BTBD9: variants seen among roughly 807,000 people sequenced by gnomAD.
BTBD9 encodes BTB domain containing 9, also known as BTB/POZ domain-containing protein 9.
BTBD9 carries 49 observed loss-of-function variants against 64.3 expected under a neutral mutation model. The ratio of observed to expected loss-of-function variants is 0.76; its 90% CI spans 0.61 to 0.97. The LOEUF (loss-of-function observed/expected upper bound fraction) is 0.97, where lower values mean the gene tolerates loss of function less well. BTBD9 is among the 50% of genes least tolerant of loss of function. The pLI is 0.00. For missense variants in BTBD9, 598 were observed against 762.1 expected, an observed-to-expected ratio of 0.78 and a Z score of 2.53; for synonymous variants, 260 against 274.7, an observed-to-expected ratio of 0.95 and a Z score of 0.53.
Position 38,250,787 on chromosome 6 carries a change from T to C in BTBD9, c.1562+5622A>G, listed in dbSNP as rs1286109660. Among the ~76,000 whole-genome samples, 5 of 152,090 alleles carry C rather than the reference T, an allele frequency of 3.3e-5. No individual in the cohort carries two copies. In the South Asian group the frequency reaches 1.0e-3, roughly 32 times the overall value. ...TAACTGATGGATTAAAAAACAGAAG[T>C]TTAGGCCGAGCGAGGTGGCTCACGC... On this transcript the variant is annotated intron_variant, in intron 9 of 10. Transcript: ENST00000481247.
intron 6 of BTBD9, among the ~76,000 whole-genome samples, chr6:38,374,723 T>C (rs2127608825): frequency 6.6e-6 from 1 of 152,258 alleles, no homozygotes; most frequent in Non-Finnish European, 1.5e-5. Context: ...CAACTAACCC[T>C]GCATAGAAAT....
chr6:38,464,476 T>C lies in BTBD9; in HGVS notation c.1154+113124A>G, dbSNP rs80126950. 1.8e-4 allele frequency among the ~76,000 whole-genome samples: 26 copies of C among 145,092 alleles called. No homozygotes were observed. In the East Asian group the frequency reaches 4.3e-3, roughly 24 times the overall value. On this transcript the variant is annotated intron_variant, in intron 6 of 10. Transcript: ENST00000481247. ...TAAATTCTGTGTTCCATGAGGAATA[T>C]TGTCTATAATTTTCTTTTCTTTTCT...
chr6:38,579,258 A>G (rs1174594888), intron 5 of BTBD9, among the ~76,000 whole-genome samples: 2 of 152,240 alleles, frequency 1.3e-5, no homozygotes, highest in Non-Finnish European at 2.9e-5. Flanking sequence ...AGGCCAGTAT[A>G]GTGGCAGTTG....
intron 6 of BTBD9, among the ~76,000 whole-genome samples, chr6:38,565,741 C>T (rs1562347831): frequency 6.6e-6 from 1 of 152,132 alleles, no homozygotes; most frequent in South Asian, 2.1e-4. Context: ...TTGTGGATAG[C>T]ATTTAGTAAA....
chr6:38,591,715 A>G (rs116412482), intron 4 of BTBD9, among the ~76,000 whole-genome samples: 218 of 152,322 alleles, frequency 1.4e-3, no homozygotes, highest in African/African-American at 5.0e-3. Flanking sequence ...AAGAGTTGTG[A>G]GAATTAAATC....
intron 6 of BTBD9, among the ~76,000 whole-genome samples, chr6:38,515,495 CCT>C (rs754955208): frequency 2.0e-4 from 31 of 152,282 alleles, no homozygotes; most frequent in Non-Finnish European, 4.1e-4. Flanking sequence ...CTCAAAAACT[CCT>C]CAAATCACAC....
chr6:38,464,755 C>A (rs1770267087), intron 6 of BTBD9, among the ~76,000 whole-genome samples: 1 of 152,130 alleles, frequency 6.6e-6, no homozygotes, highest in East Asian at 1.9e-4. Context: ...CTCAGTCTCC[C>A]AAAGTGGTGG....
chr6:38,255,544 T>C (rs1764546960), intron 9 of BTBD9, among the ~76,000 whole-genome samples: 1 of 152,218 alleles, frequency 6.6e-6, no homozygotes, highest in South Asian at 2.1e-4. Flanking sequence ...ACCATGATGC[T>C]AGGCTGCTCA....
intron 6 of BTBD9, among the ~76,000 whole-genome samples, chr6:38,503,702 C>A (rs1287217059): frequency 3.9e-5 from 6 of 152,176 alleles, no homozygotes; most frequent in South Asian, 2.1e-4. Context: ...ACACTCCTGG[C>A]TCACTTTTCC....
intron 6 of BTBD9, among the ~76,000 whole-genome samples, chr6:38,444,871 G>A (rs1769197652): frequency 6.6e-6 from 1 of 152,176 alleles, no homozygotes; most frequent in Non-Finnish European, 1.5e-5. Flanking sequence ...ACTAAAAGAA[G>A]ATTTATTCAT....
At chr6:38,260,787 C>T (rs1764762155) in intron 8 of BTBD9, among the ~76,000 whole-genome samples, 1 of 152,152 alleles carries the variant, frequency 6.6e-6, no homozygotes, top group Admixed American at 6.5e-5. Flanking sequence ...GCTTAATGGT[C>T]TATTATGAAT....
intron 9 of BTBD9, among the ~76,000 whole-genome samples, chr6:38,242,418 TC>T (rs754066278): frequency 6.6e-6 from 1 of 152,222 alleles, no homozygotes; most frequent in Non-Finnish European, 1.5e-5. Flanking sequence ...AGACCTGAGT[TC>T]TAATCCAGGG....
At position 38,550,159 on chromosome 6, in the gene BTBD9, CT is replaced by C. The variant is rs559284788; in HGVS notation, c.1154+27440del. 2.5e-3 allele frequency among the ~76,000 whole-genome samples: 376 copies of C among 152,242 alleles called. 2 individuals carry two copies. Among genetic ancestry groups the C allele is most frequent in the African/African-American group, 8.4e-3 (347 of 41,548 alleles). On this transcript the variant is annotated intron_variant, in intron 6 of 10. Transcript: ENST00000481247. ...CTCTTCAACATCTCTACCTAGACAT[CT>C]AAAAGGCATCTCAGATCTAAAATGT... is the stretch of plus-strand genomic sequence containing the variant.
rs540275286 is a variant in BTBD9, at chr6:38,618,046, C to T, written c.-27-19925G>A. On this transcript the variant is annotated intron_variant, in intron 1 of 10. Transcript: ENST00000481247. The stretch of plus-strand genomic sequence containing the variant: ...GTATTTCCACTGCTGCTTCAGTGAG[C>T]GCAACTATTCCAAACAGCAGGGTCC... Among the ~76,000 whole-genome samples, 3 of 152,294 alleles carry T rather than the reference C, an allele frequency of 2.0e-5. 1 individual carries two copies. The highest frequency in any genetic ancestry group is 4.1e-4 in the South Asian group (2 of 4,824).
At chr6:38,402,787 G>T (rs2127239074) in intron 6 of BTBD9, 2 of 699,988 alleles carry the variant, frequency 2.9e-6, no homozygotes, top group South Asian at 3.0e-5. Flanking sequence ...ACCTAAATCA[G>T]CAAGACTTGG....
chr6:38,202,669 T>C (rs1377464337), intron 9 of BTBD9, among the ~76,000 whole-genome samples: 1 of 152,176 alleles, frequency 6.6e-6, no homozygotes, highest in Non-Finnish European at 1.5e-5. Flanking sequence ...AGGGAAAGGA[T>C]ACCCTCTTCA....
chr6:38,545,420 A>C (rs1485938661), intron 6 of BTBD9, among the ~76,000 whole-genome samples: 1 of 152,180 alleles, frequency 6.6e-6, no homozygotes, highest in African/African-American at 2.4e-5. Flanking sequence ...CTCTGGGTTT[A>C]GATAGCGGCG....
intron 6 of BTBD9, among the ~76,000 whole-genome samples, chr6:38,401,321 T>C (rs1486251155): frequency 6.6e-6 from 1 of 152,214 alleles, no homozygotes; most frequent in Non-Finnish European, 1.5e-5. Flanking sequence ...TCTGCCATAA[T>C]TGTAAGTTTC....
chr6:38,365,568 C>T (rs113987914), intron 6 of BTBD9, among the ~76,000 whole-genome samples: 2 of 152,052 alleles, frequency 1.3e-5, no homozygotes, highest in African/African-American at 2.4e-5. Flanking sequence ...CACAGGGAGA[C>T]AAAATTTTTG....
Sources: allele counts gnomAD v4.1 joint callset (sites outside exome capture counted in the v4.1 genomes callset), GRCh38; gene constraint gnomAD v4.1.1; transcripts MANE v1.5; gene names NCBI Gene and HGNC (gene_info 2026-07-23, HGNC 2026-07-21).